EPHA5: variants seen among roughly 807,000 people sequenced by gnomAD.
The protein encoded by EPHA5 is ephrin type-A receptor 5.
A neutral mutation model predicts 105.0 loss-of-function variants in EPHA5; 60 were observed. That is an observed-to-expected ratio of 0.57 (90% CI 0.46 to 0.71). The LOEUF (loss-of-function observed/expected upper bound fraction) is 0.71. EPHA5 is among the 30% of genes least tolerant of loss of function. The pLI is 0.00. For synonymous variants in EPHA5, 513 were observed against 449.1 expected, an observed-to-expected ratio of 1.14 and a Z score of -1.80; for missense variants, 1,218 against 1,274.7, an observed-to-expected ratio of 0.96 and a Z score of 0.68.
intron 1 of EPHA5, among the ~76,000 whole-genome samples, chr4:65,650,640 C>T (rs1359523816): frequency 6.6e-6 from 1 of 151,820 alleles, no homozygotes; most frequent in Non-Finnish European, 1.5e-5. Context: ...ACCTTTAGCC[C>T]CACATTGAAT....
chr4:65,573,826 G>T lies in EPHA5; in HGVS notation c.910+27815C>A, dbSNP rs879971207. 2.5e-6 allele frequency: 4 copies of T among 1,613,526 alleles called. No individual in the cohort carries two copies. In the East Asian group the frequency reaches 8.9e-5, roughly 36 times the overall value. On this transcript the variant is annotated intron_variant, in intron 3 of 16. Transcript: ENST00000613740. ...TATTATCCTACTGAAGATGTGCCTC[G>T]AAAGCTGTTGAGCCACGGCAAAAAA...
At chr4:65,398,052 G>A (rs1222104020) in intron 8 of EPHA5, among the ~76,000 whole-genome samples, 1 of 152,140 alleles carries the variant, frequency 6.6e-6, no homozygotes, top group Non-Finnish European at 1.5e-5. Flanking sequence ...GTTGGCAGGG[G>A]AGGAGCCCCA....
chr4:65,656,599 A>T (rs1033048572), intron 1 of EPHA5, among the ~76,000 whole-genome samples: 2 of 147,026 alleles, frequency 1.4e-5, no homozygotes, highest in Non-Finnish European at 1.5e-5. Context: ...ATATATATAT[A>T]ATATATATAT....
chr4:65,566,137 G>C (rs1739507838), intron 3 of EPHA5, among the ~76,000 whole-genome samples: 1 of 151,644 alleles, frequency 6.6e-6, no homozygotes, highest in Non-Finnish European at 1.5e-5. Context: ...AGAGCTTTCT[G>C]CTCCCATTTT....
chr4:65,401,291 TGC>T, intron 8 of EPHA5, among the ~76,000 whole-genome samples: 1 of 152,150 alleles, frequency 6.6e-6, no homozygotes, highest in Non-Finnish European at 1.5e-5. Flanking sequence ...ATCTAGGTAC[TGC>T]AGGGTGAGTT....
intron 3 of EPHA5, among the ~76,000 whole-genome samples, chr4:65,599,944 G>C (rs1036277086): frequency 2.6e-5 from 4 of 152,112 alleles, no homozygotes; most frequent in Admixed American, 2.0e-4. Flanking sequence ...GAAACATGGA[G>C]AGAGGCCTCT....
chr4:65,493,771 G>T (rs865796518), intron 4 of EPHA5, among the ~76,000 whole-genome samples: 27 of 150,850 alleles, frequency 1.8e-4, no homozygotes, highest in Non-Finnish European at 7.4e-5. Flanking sequence ...CCCCCCTCAC[G>T]CCCCACCCCC....
At chr4:65,488,188 G>A (rs1461904280) in intron 5 of EPHA5, among the ~76,000 whole-genome samples, 4 of 151,940 alleles carry the variant, frequency 2.6e-5, no homozygotes, top group Non-Finnish European at 5.9e-5. Flanking sequence ...AATATACTTG[G>A]GAGGCTGAAG....
chr4:65,632,827 G>A lies in EPHA5; in HGVS notation c.246+10536C>T, dbSNP rs532910839. ...TCCACACTTCTGGGTGGTAATGAGAGGTTTCATGTTGTATAACTTGAGCTG... is the reference window on the plus strand; with the variant it reads ...TCCACACTTCTGGGTGGTAATGAGAAGTTTCATGTTGTATAACTTGAGCTG... On this transcript the variant is annotated intron_variant, in intron 2 of 16. Transcript: ENST00000613740. Among the ~76,000 whole-genome samples, 5 of 151,942 alleles carry A rather than the reference G, an allele frequency of 3.3e-5. No homozygotes were observed. In the East Asian group the frequency reaches 9.7e-4, roughly 29 times the overall value.
chr4:65,348,289 G>C, intron 13 of EPHA5, 86 bp from the exon 14 acceptor site: 1 of 1,209,012 alleles, frequency 8.3e-7, no homozygotes, highest in Non-Finnish European at 1.1e-6. Context: ...GATCTAGACA[G>C]AGATGTAGCA....
chr4:65,467,789 A>C (rs1220923196), intron 5 of EPHA5, among the ~76,000 whole-genome samples: 2 of 152,216 alleles, frequency 1.3e-5, no homozygotes, highest in Non-Finnish European at 2.9e-5. Flanking sequence ...GCAGACAGGA[A>C]AATTACCCTG....
intron 8 of EPHA5, among the ~76,000 whole-genome samples, chr4:65,375,100 AG>A (rs773294181): frequency 2.0e-4 from 30 of 151,958 alleles, no homozygotes; most frequent in Non-Finnish European, 3.5e-4. Flanking sequence ...ATTCCTACCC[AG>A]TAAAAATTTT....
chr4:65,621,310 C>A (rs1745685919), intron 2 of EPHA5, among the ~76,000 whole-genome samples: 1 of 152,078 alleles, frequency 6.6e-6, no homozygotes, highest in Non-Finnish European at 1.5e-5. Context: ...GCATATGTCA[C>A]TGTGGCCAGA....
At chr4:65,392,597 G>T (rs766562708) in intron 8 of EPHA5, among the ~76,000 whole-genome samples, 8 of 152,028 alleles carry the variant, frequency 5.3e-5, no homozygotes, top group Non-Finnish European at 8.8e-5. Flanking sequence ...AGATGTCAAA[G>T]AAATAAAATC....
chr4:65,659,731 G>A (rs1415744862), intron 1 of EPHA5, among the ~76,000 whole-genome samples: 3 of 151,970 alleles, frequency 2.0e-5, no homozygotes, highest in East Asian at 1.9e-4. Flanking sequence ...GCAAGCACAC[G>A]CATACATTTT....
chr4:65,482,452 C>T (rs1335765036), intron 5 of EPHA5, among the ~76,000 whole-genome samples: 2 of 152,070 alleles, frequency 1.3e-5, no homozygotes, highest in East Asian at 3.9e-4. Flanking sequence ...CTGGGGAACA[C>T]AGACATTGAA....
chr4:65,379,587 A>T (rs990242634), intron 8 of EPHA5, among the ~76,000 whole-genome samples: 1 of 151,656 alleles, frequency 6.6e-6, no homozygotes, highest in African/African-American at 2.4e-5. Context: ...TTTTACTTTG[A>T]TCAGTGTCTG....
At chr4:65,380,932 G>T (rs1461150175) in intron 8 of EPHA5, among the ~76,000 whole-genome samples, 1 of 151,568 alleles carries the variant, frequency 6.6e-6, no homozygotes, top group Non-Finnish European at 1.5e-5. Flanking sequence ...CAAACTAGAA[G>T]CAGTCTTGAA....
At chr4:65,646,885 C>A (rs1198415489) in intron 1 of EPHA5, among the ~76,000 whole-genome samples, 2 of 152,002 alleles carry the variant, frequency 1.3e-5, no homozygotes, top group Non-Finnish European at 2.9e-5. Context: ...TTTCACATAA[C>A]CGATATAATT....
Sources: gnomAD v4.1 joint callset for allele counts (sites outside exome capture counted in the v4.1 genomes callset) on GRCh38, gnomAD v4.1.1 for gene constraint, MANE v1.5 for transcripts, NCBI Gene and HGNC (gene_info 2026-07-23, HGNC 2026-07-21) for gene names.